The following DCAF16 variants were observed in gnomAD, a reference collection of about 807,000 sequenced individuals.
DCAF16 encodes DDB1 and CUL4 associated factor 16, also known as DDB1- and CUL4-associated factor 16.
DCAF16 carries 10 observed loss-of-function variants against 17.3 expected under a neutral mutation model. The observed-to-expected ratio is 0.58, with a 90% CI of 0.36 to 0.98. The LOEUF is 0.98. Among genes scored for constraint, DCAF16 ranks in the 50% least tolerant of loss-of-function variants. The pLI is 0.01. For missense variants in DCAF16, 249 were observed against 247.6 expected, an observed-to-expected ratio of 1.01 and a Z score of -0.04; for synonymous variants, 111 against 92.8, an observed-to-expected ratio of 1.20 and a Z score of -1.12.
In DCAF16 at chr4:17,802,083, C is replaced by G. The variant is rs1250871222; in HGVS notation, c.*1408G>C. ...TGCCACTACACTCCAGCCTGGGCGA[C>G]AGAGCAAGACTCCGTCTCAAAAAAA... On this transcript the variant is annotated 3_prime_UTR_variant, in exon 3 of 3. Transcript: ENST00000382247. 8.8e-6 allele frequency: 1 copy of G among 114,030 alleles called. No homozygotes were observed. Among genetic ancestry groups the G allele is most frequent in the Non-Finnish European group, 1.7e-5 (1 of 60,526 alleles). The allele number at this position is 114,030 out of a possible 1,614,324, so 7.1% of individuals were successfully genotyped here.
Position 17,803,572 on chromosome 4 carries a change from A to C in DCAF16, c.570T>G (p.Thr190=). 6.2e-7 allele frequency: 1 copy of C among 1,614,200 alleles called. No homozygotes were observed. Among genetic ancestry groups the C allele is most frequent in the Non-Finnish European group, 8.5e-7 (1 of 1,180,032 alleles). Residue 190 remains threonine (T), a synonymous_variant, in exon 3 of 3, where the codon ACT becomes ACG. Coordinates refer to ENST00000382247, the MANE Select transcript of DCAF16 (RefSeq NM_017741.4). ...GWLTKTVKET[T]RTEPINTTYS... is the part of the protein sequence containing the mutation. ...AAGTAGTGTTGATGGGTTCAGTACGAGTTGTTTCCTTAACTGTTTTAGTCA... is the reference window on the plus strand; with the variant it reads ...AAGTAGTGTTGATGGGTTCAGTACGCGTTGTTTCCTTAACTGTTTTAGTCA...
chr4:17,794,853 T>C, the DCAF16 span, among the ~76,000 whole-genome samples: 1 of 152,222 alleles, frequency 6.6e-6, no homozygotes, highest in Non-Finnish European at 1.5e-5. Flanking sequence ...TGCTTATTTA[T>C]ACACTTTCCA....
chr4:17,797,752 C>T (rs556580356), downstream of DCAF16, among the ~76,000 whole-genome samples: 11 of 152,278 alleles, frequency 7.2e-5, no homozygotes, highest in Middle Eastern at 6.8e-3. Flanking sequence ...GATGGCCATG[C>T]CCTTGGGCTG....
intron 1 of DCAF16, among the ~76,000 whole-genome samples, chr4:17,808,826 C>T (rs561908004): frequency 1.3e-5 from 2 of 152,206 alleles, no homozygotes; most frequent in South Asian, 2.1e-4. Flanking sequence ...GTCAGGAGTT[C>T]GAGACCAGCC....
chr4:17,796,199 T>C (rs1253007726), downstream of DCAF16, among the ~76,000 whole-genome samples: 1 of 152,194 alleles, frequency 6.6e-6, no homozygotes, highest in East Asian at 1.9e-4. Flanking sequence ...TGTTTCAACT[T>C]TCTTTATTAC....
the DCAF16 span, among the ~76,000 whole-genome samples, chr4:17,793,783 T>C: frequency 6.6e-6 from 1 of 152,180 alleles, no homozygotes; most frequent in Non-Finnish European, 1.5e-5. Flanking sequence ...TACGAATGTA[T>C]ACACATGTAA....
At position 17,803,755 on chromosome 4, in the gene DCAF16, T is replaced by C; in HGVS notation, c.387A>G (p.Thr129=). 6.2e-7 allele frequency: 1 copy of C among 1,614,118 alleles called. No individual in the cohort carries two copies. Among genetic ancestry groups the C allele is most frequent in the Non-Finnish European group, 8.5e-7 (1 of 1,180,028 alleles). The change falls in exon 3 of 3, where the codon ACA becomes ACG. Residue 129 remains threonine, a synonymous_variant. Coordinates refer to ENST00000382247, the MANE Select transcript of DCAF16 (RefSeq NM_017741.4). ...GATCTCTAGAGAGCCGGCTGGGACT[T>C]GTAAGAGGCTTTTGAAAAGGTGGGA... is the stretch of plus-strand genomic sequence containing the variant. ...CGVPPFQKPL[T]SPSRLSRDHA... is the part of the protein sequence containing the mutation.
At chr4:17,806,850 T>A (rs946688401) in intron 1 of DCAF16, among the ~76,000 whole-genome samples, 1 of 152,120 alleles carries the variant, frequency 6.6e-6, no homozygotes, top group Admixed American at 6.5e-5. Flanking sequence ...TAGAGCAGAA[T>A]AGAGCTTAGA....
At chr4:17,807,358 G>A (rs1720420611) in intron 1 of DCAF16, among the ~76,000 whole-genome samples, 1 of 152,162 alleles carries the variant, frequency 6.6e-6, no homozygotes, top group African/African-American at 2.4e-5. Flanking sequence ...AATTATAGAA[G>A]AGAAAATCCC....
chr4:17,795,581 T>C, the DCAF16 span, among the ~76,000 whole-genome samples: 1 of 152,230 alleles, frequency 6.6e-6, no homozygotes, highest in African/African-American at 2.4e-5. Flanking sequence ...TTAAAATTTC[T>C]TCAAGTTATT....
chr4:17,797,757 G>A (rs1719493895), downstream of DCAF16, among the ~76,000 whole-genome samples: 1 of 152,130 alleles, frequency 6.6e-6, no homozygotes, highest in South Asian at 2.1e-4. Flanking sequence ...CCATGCCCTT[G>A]GGCTGTTCCA....
the DCAF16 span, among the ~76,000 whole-genome samples, chr4:17,794,157 G>A: frequency 1.3e-5 from 2 of 152,112 alleles, no homozygotes; most frequent in African/African-American, 4.8e-5. Flanking sequence ...TTTTTAAAAA[G>A]TAGATACAGG....
chr4:17,796,385 G>A (rs73096967), downstream of DCAF16, among the ~76,000 whole-genome samples: 3,547 of 152,042 alleles, frequency 0.023, 148 homozygotes, highest in African/African-American at 0.081. Flanking sequence ...TTCCCTTCAT[G>A]GTAAAGAAGA....
In DCAF16 at chr4:17,804,382, T is replaced by A; in HGVS notation, c.-241A>T. On this transcript the variant is annotated 5_prime_UTR_variant, in exon 3 of 3. Transcript: ENST00000382247. ...CTCAGTTTCCAGGACCAGTTCAGTG[T>A]GTAAAAGTATTAGTCACTTACCACT... 1.9e-6 allele frequency: 1 copy of A among 527,434 alleles called. No homozygotes were observed. The highest frequency in any genetic ancestry group is 2.3e-5 in the South Asian group (1 of 44,426). The allele number at this position is 527,434 out of a possible 1,614,324, so 32.7% of individuals were successfully genotyped here.
At chr4:17,800,538 A>G (rs1436869198), downstream of DCAF16, 8 of 152,532 alleles carry the variant, frequency 5.2e-5, no homozygotes, top group African/African-American at 1.9e-4. Flanking sequence ...TGTCAGACAT[A>G]CTATATAGAT....
At chr4:17,807,391 A>C (rs1437104644) in intron 1 of DCAF16, among the ~76,000 whole-genome samples, 7 of 152,372 alleles carry the variant, frequency 4.6e-5, no homozygotes, top group African/African-American at 1.7e-4. Flanking sequence ...ATATGATCAC[A>C]TTATGCTATC....
downstream of DCAF16, among the ~76,000 whole-genome samples, chr4:17,798,479 A>C (rs1560204950): frequency 6.6e-6 from 1 of 151,890 alleles, no homozygotes; most frequent in Non-Finnish European, 1.5e-5. Context: ...CCTGTAGTCC[A>C]CAGCTACTGA....
Sources: gnomAD v4.1 joint callset for allele counts (sites outside exome capture counted in the v4.1 genomes callset) on GRCh38, gnomAD v4.1.1 for gene constraint, MANE v1.5 for transcripts, NCBI Gene and HGNC (gene_info 2026-07-23, HGNC 2026-07-21) for gene names.